Variants in RBFOX3 observed in about 807,000 individuals in gnomAD.
RBFOX3 encodes RNA binding fox-1 homolog 3.
RBFOX3 carries 17 observed loss-of-function variants against 48.7 expected under a neutral mutation model. The ratio of observed to expected loss-of-function variants is 0.35; its 90% CI spans 0.24 to 0.52. The LOEUF (loss-of-function observed/expected upper bound fraction) is 0.52. Ranked by LOEUF, RBFOX3 falls within the 20% of genes least tolerant of loss-of-function variation. RBFOX3 has a pLI of 0.94. For synonymous variants in RBFOX3, 212 were observed against 209.5 expected (o/e 1.01, Z -0.10); for missense variants, 382 against 497.5 (o/e 0.77, Z 2.21).
At position 79,212,774 on chromosome 17, in the gene RBFOX3, T is replaced by C. The variant is rs1006831252; in HGVS notation, c.-34+22992A>G. 6.6e-6 allele frequency among the ~76,000 whole-genome samples: 1 copy of C among 152,078 alleles called. No homozygotes were observed. The highest frequency in any genetic ancestry group is 2.1e-4 in the South Asian group (1 of 4,830). ...GGGAGGGGCGGGGAATGGGAGAAAG[T>C]GCCTGGCTCTAAACAGAAGCCAGGC... is the stretch of plus-strand genomic sequence containing the variant. On this transcript the variant is annotated intron_variant, in intron 4 of 14. Coordinates refer to ENST00000693108, the MANE Select transcript of RBFOX3 (RefSeq NM_001350451.2). The surrounding 1 kb of genome is among the most constrained non-coding windows in gnomAD (Gnocchi z 4.7).
chr17:79,543,354 T>G (rs782747680), intron 1 of RBFOX3, among the ~76,000 whole-genome samples: 1 of 152,130 alleles, frequency 6.6e-6, no homozygotes, highest in Admixed American at 6.5e-5. Context: ...GAGGCTCAGA[T>G]AGGGCCGCCC....
chr17:79,475,102 C>G (rs1568313038), intron 2 of RBFOX3, among the ~76,000 whole-genome samples: 1 of 152,136 alleles, frequency 6.6e-6, no homozygotes, highest in Non-Finnish European at 1.5e-5. Context: ...TGGGGTCTGG[C>G]TTTTAATTCT....
intron 2 of RBFOX3, among the ~76,000 whole-genome samples, chr17:79,389,370 G>A (rs1163077357): frequency 1.3e-5 from 2 of 152,172 alleles, no homozygotes; most frequent in Non-Finnish European, 2.9e-5. Flanking sequence ...CCCCTGGGAG[G>A]CCCCCTTTCT....
chr17:79,428,297 G>T (rs576150810), intron 2 of RBFOX3, among the ~76,000 whole-genome samples: 1 of 152,318 alleles, frequency 6.6e-6, no homozygotes, highest in South Asian at 2.1e-4. Flanking sequence ...GAGGGCAGGT[G>T]CCATGGGGGA....
At chr17:79,470,386 C>T (rs1006909972) in intron 2 of RBFOX3, among the ~76,000 whole-genome samples, 2 of 152,134 alleles carry the variant, frequency 1.3e-5, no homozygotes, top group Admixed American at 6.5e-5. Flanking sequence ...TAGGGCTGGA[C>T]GGAGGGCTGT....
intron 4 of RBFOX3, among the ~76,000 whole-genome samples, chr17:79,149,064 G>T (rs567008501): frequency 1.4e-4 from 21 of 152,212 alleles, no homozygotes; most frequent in African/African-American, 2.4e-5. Context: ...CACCACTGAC[G>T]AACAGCGCAC....
chr17:79,106,157 G>C (rs1334572331), intron 6 of RBFOX3, among the ~76,000 whole-genome samples: 1 of 152,270 alleles, frequency 6.6e-6, no homozygotes, highest in East Asian at 1.9e-4. Context: ...GGCCCGGAGA[G>C]GTTGACTGCC....
intron 2 of RBFOX3, among the ~76,000 whole-genome samples, chr17:79,377,851 C>A (rs11868477): frequency 1.3e-5 from 2 of 152,004 alleles, no homozygotes; most frequent in East Asian, 1.9e-4. Flanking sequence ...TGGCTGCCTG[C>A]GGGACTGGGT....
At chr17:79,389,618 C>T (rs1402463880) in intron 2 of RBFOX3, among the ~76,000 whole-genome samples, 4 of 152,222 alleles carry the variant, frequency 2.6e-5, no homozygotes, top group Non-Finnish European at 5.9e-5. Flanking sequence ...GCCTTACCGA[C>T]ACATGACACA....
intron 2 of RBFOX3, among the ~76,000 whole-genome samples, chr17:79,352,190 G>A (rs1464635185): frequency 6.6e-6 from 1 of 152,172 alleles, no homozygotes; most frequent in African/African-American, 2.4e-5. Context: ...TGTTGGACAT[G>A]GGGCCTGGTG....
rs569762128 is a variant in RBFOX3 at position 79,097,641 on chromosome 17, C to G, written c.622+51G>C. 4.8e-6 allele frequency: 7 copies of G among 1,447,706 alleles called. No homozygotes were observed. The East Asian group carries it at 1.3e-4, about 26-fold the overall frequency. 89.7% of individuals were successfully genotyped at this position (1,447,706 alleles called of 1,614,324 possible). A position where few individuals can be genotyped will look rare whatever the true frequency, so the allele number is the denominator to read the frequency against. On this transcript the variant is annotated intron_variant, in intron 10 of 14. Coordinates refer to ENST00000693108, the MANE Select transcript of RBFOX3 (RefSeq NM_001350451.2). ...CGCCCCCAGAGCCCCCGGAGCCCCA[C>G]GGGGCCAAGTAGCTGGTCTCATCCC...
intron 2 of RBFOX3, among the ~76,000 whole-genome samples, chr17:79,350,555 T>A (rs1034410013): frequency 6.6e-6 from 1 of 152,230 alleles, no homozygotes; most frequent in African/African-American, 2.4e-5. Flanking sequence ...CAGAAACTCC[T>A]TAGTCCTGGG....
intron 11 of RBFOX3, 84 bp from the exon 12 acceptor site, chr17:79,096,917 C>T: frequency 1.6e-6 from 1 of 610,066 alleles, no homozygotes. Context: ...CCCACCCGAC[C>T]CCAGGCAGCT....
At chr17:79,328,232 G>A (rs951127480) in intron 2 of RBFOX3, among the ~76,000 whole-genome samples, 11 of 152,190 alleles carry the variant, frequency 7.2e-5, no homozygotes, top group Non-Finnish European at 1.5e-4. Context: ...CTGGATTGGG[G>A]AGCAGGGGCA....
intron 4 of RBFOX3, among the ~76,000 whole-genome samples, chr17:79,136,753 C>T (rs1052783822): frequency 6.6e-6 from 1 of 152,178 alleles, no homozygotes; most frequent in African/African-American, 2.4e-5. Flanking sequence ...ATGCCTGCCC[C>T]AGGGCAGGCG....
rs71161660 is a variant in RBFOX3 at position 79,318,854 on chromosome 17, C to CAAAAAAAAAAAAA, written c.-174-11043_-174-11031dup. On this transcript the variant is annotated intron_variant, in intron 2 of 14. Coordinates refer to ENST00000693108, the MANE Select transcript of RBFOX3 (RefSeq NM_001350451.2). ...TGGGTGACAGAGCGAGACTCCATCT[C>CAAAAAAAAAAAAA]AAAAAAAAAAAAAAAAAAAAAAAAA... is the stretch of plus-strand genomic sequence containing the variant. Among the ~76,000 whole-genome samples the CAAAAAAAAAAAAA allele has an allele frequency of 7.1e-4, 23 of 32,524 alleles. 3 individuals carry two copies. The highest frequency in any genetic ancestry group is 2.5e-3 in the Admixed American group (5 of 1,962). The allele number at this position is 32,524 out of a possible 152,430, so 21.3% of individuals were successfully genotyped here.
chr17:79,363,233 A>G lies in RBFOX3; in HGVS notation c.-174-55409T>C, dbSNP rs182073432. On this transcript the variant is annotated intron_variant, in intron 2 of 14. Coordinates refer to ENST00000693108, the MANE Select transcript of RBFOX3 (RefSeq NM_001350451.2). The surrounding 1 kb of genome is among the most constrained non-coding windows in gnomAD (Gnocchi z 4.7). ...TGTAGTGCCAGCAAGGCTGATGCAC[A>G]GAGAGGGGACATGGCTCACGGGTGA... Among the ~76,000 whole-genome samples the G allele has an allele frequency of 6.6e-4, 100 of 152,292 alleles. 1 individual carries two copies. Among genetic ancestry groups the G allele is most frequent in the African/African-American group, 2.2e-3 (91 of 41,570 alleles).
chr17:79,292,710 T>C (rs913605935), intron 3 of RBFOX3, among the ~76,000 whole-genome samples: 8 of 152,212 alleles, frequency 5.3e-5, no homozygotes, highest in African/African-American at 1.9e-4. Context: ...AACAGCAGTA[T>C]GCCAAATGCT....
rs2078479180 is a variant in RBFOX3, at chr17:79,479,584, C to T, written c.-175+2870G>A. On this transcript the variant is annotated intron_variant, in intron 2 of 14. Transcript: ENST00000693108. The surrounding 1 kb of genome is among the most constrained non-coding windows in gnomAD (Gnocchi z 5.1). ...AATCAACAAGGGGCTGGACAGTGAACACACCGAGGGAAGCAGCTCAGGTCC... is the reference window on the plus strand; with the variant it reads ...AATCAACAAGGGGCTGGACAGTGAATACACCGAGGGAAGCAGCTCAGGTCC... 6.6e-6 allele frequency among the ~76,000 whole-genome samples: 1 copy of T among 152,250 alleles called. No homozygotes were observed. The highest frequency in any genetic ancestry group is 2.1e-4 in the South Asian group (1 of 4,828).
Sources: allele counts gnomAD v4.1 joint callset (sites outside exome capture counted in the v4.1 genomes callset), GRCh38; gene constraint gnomAD v4.1.1; non-coding constraint Gnocchi (gnomAD v3.1); transcripts MANE v1.5; gene names NCBI Gene and HGNC (gene_info 2026-07-23, HGNC 2026-07-21).